The following PDGFD variants were observed in gnomAD, a reference collection of about 807,000 sequenced individuals.
The protein encoded by PDGFD is platelet derived growth factor D.
PDGFD carries 30 observed loss-of-function variants against 44.7 expected under a neutral mutation model. The ratio of observed to expected loss-of-function variants is 0.67; its 90% CI spans 0.50 to 0.91. PDGFD has a LOEUF of 0.91. PDGFD is among the 40% of genes least tolerant of loss of function. The pLI is 0.00. For synonymous variants in PDGFD, 173 were observed against 168.4 expected (o/e 1.03, Z -0.21); for missense variants, 445 against 457.8 (o/e 0.97, Z 0.25).
intron 1 of PDGFD, among the ~76,000 whole-genome samples, chr11:104,057,682 T>C (rs770926788): frequency 5.9e-5 from 9 of 152,004 alleles, no homozygotes; most frequent in Non-Finnish European, 1.0e-4. Context: ...AAAATAAAAG[T>C]TGAAATTTTA....
At chr11:103,916,933 G>C (rs1294015346) in intron 6 of PDGFD, among the ~76,000 whole-genome samples, 1 of 152,148 alleles carries the variant, frequency 6.6e-6, no homozygotes, top group African/African-American at 2.4e-5. Context: ...ACCAGGTCCT[G>C]TTTGTGGGTG....
At chr11:104,018,561 G>C (rs1859897798) in intron 1 of PDGFD, among the ~76,000 whole-genome samples, 1 of 152,182 alleles carries the variant, frequency 6.6e-6, no homozygotes, top group Non-Finnish European at 1.5e-5. Context: ...CTTCTGTATA[G>C]GAAGATGTCT....
At chr11:104,133,679 TAAC>T (rs1861957047) in intron 1 of PDGFD, among the ~76,000 whole-genome samples, 1 of 152,184 alleles carries the variant, frequency 6.6e-6, no homozygotes, top group African/African-American at 2.4e-5. Context: ...ATTAAACAAA[TAAC>T]AGTCACTAAC....
At chr11:103,939,051 TC>T (rs1242006539) in intron 5 of PDGFD, among the ~76,000 whole-genome samples, 1 of 152,162 alleles carries the variant, frequency 6.6e-6, no homozygotes, top group Admixed American at 6.5e-5. Context: ...CTTTTTTGGT[TC>T]CACATGAACT....
intron 1 of PDGFD, among the ~76,000 whole-genome samples, chr11:104,145,092 T>A (rs749941158): frequency 7.9e-5 from 12 of 152,202 alleles, no homozygotes; most frequent in Admixed American, 7.9e-4. Context: ...ATAAGTGGTG[T>A]TATTGTTATT....
At chr11:103,920,003 C>T (rs1198495841) in intron 6 of PDGFD, among the ~76,000 whole-genome samples, 2 of 152,188 alleles carry the variant, frequency 1.3e-5, no homozygotes, top group Non-Finnish European at 2.9e-5. Flanking sequence ...GAAGGGATAA[C>T]ATATTATTTC....
At chr11:104,036,740 C>A in intron 1 of PDGFD, 1 of 1,061,344 alleles carries the variant, frequency 9.4e-7, no homozygotes, top group African/African-American at 1.6e-5. Context: ...TGAGGAGCAG[C>A]GGCACCAACG....
intron 1 of PDGFD, among the ~76,000 whole-genome samples, chr11:104,103,276 CTTTTTA>C: frequency 6.6e-6 from 1 of 151,802 alleles, no homozygotes; most frequent in South Asian, 2.1e-4. Flanking sequence ...TAAATGTTAC[CTTTTTA>C]TTTTTATAAG....
At chr11:104,116,026 CTTTAG>C (rs1286670996) in intron 1 of PDGFD, among the ~76,000 whole-genome samples, 1 of 151,652 alleles carries the variant, frequency 6.6e-6, no homozygotes, top group African/African-American at 2.4e-5. Flanking sequence ...TTGTCATGCT[CTTTAG>C]TTTAATTAAG....
At chr11:104,004,348 A>AC (rs1471195057) in intron 1 of PDGFD, among the ~76,000 whole-genome samples, 46 of 152,136 alleles carry the variant, frequency 3.0e-4, no homozygotes, top group Non-Finnish European at 6.0e-4. Context: ...ACACATACAG[A>AC]CTTTTTTTCT....
chr11:104,099,485 A>G (rs2134443518), intron 1 of PDGFD, among the ~76,000 whole-genome samples: 1 of 152,066 alleles, frequency 6.6e-6, no homozygotes, highest in Middle Eastern at 3.4e-3. Flanking sequence ...ACAAAAAATT[A>G]GCCAGGTGTG....
intron 1 of PDGFD, among the ~76,000 whole-genome samples, chr11:104,023,531 CT>C (rs1425088598): frequency 6.6e-6 from 1 of 152,074 alleles, no homozygotes; most frequent in Non-Finnish European, 1.5e-5. Context: ...ATGGTTCTGG[CT>C]TTAGTATATA....
chr11:103,994,203 T>C (rs1272767423), intron 3 of PDGFD, among the ~76,000 whole-genome samples: 2 of 152,206 alleles, frequency 1.3e-5, no homozygotes, highest in African/African-American at 2.4e-5. Flanking sequence ...TTATGGAACA[T>C]TCAGCTTACT....
chr11:104,033,095 T>C (rs1452668279), intron 1 of PDGFD, among the ~76,000 whole-genome samples: 2 of 151,674 alleles, frequency 1.3e-5, no homozygotes, highest in Non-Finnish European at 2.9e-5. Flanking sequence ...TATATATATA[T>C]ATATTTCCAA....
chr11:104,149,763 C>T (rs1862215834), intron 1 of PDGFD, among the ~76,000 whole-genome samples: 1 of 152,152 alleles, frequency 6.6e-6, no homozygotes, highest in Non-Finnish European at 1.5e-5. Context: ...TCCAGTAGCT[C>T]AGGGCACAAG....
chr11:104,144,975 G>A (rs938250664), intron 1 of PDGFD, among the ~76,000 whole-genome samples: 5 of 152,152 alleles, frequency 3.3e-5, no homozygotes, highest in Non-Finnish European at 5.9e-5. Flanking sequence ...AGTATACTCT[G>A]AAAAAATGTG....
intron 1 of PDGFD, among the ~76,000 whole-genome samples, chr11:104,081,593 T>C (rs1278364667): frequency 6.6e-6 from 1 of 152,174 alleles, no homozygotes; most frequent in African/African-American, 2.4e-5. Flanking sequence ...TTTATTATAG[T>C]AATTTGATAT....
intron 3 of PDGFD, among the ~76,000 whole-genome samples, chr11:103,974,542 T>A (rs1377569791): frequency 1.3e-5 from 2 of 152,134 alleles, no homozygotes; most frequent in African/African-American, 4.8e-5. Flanking sequence ...ACACGTGCCA[T>A]GGTGGTTTGT....
intron 1 of PDGFD, among the ~76,000 whole-genome samples, chr11:104,018,198 G>A (rs1859890529): frequency 6.6e-6 from 1 of 151,770 alleles, no homozygotes; most frequent in South Asian, 2.1e-4. Flanking sequence ...ATAAAGACTG[G>A]GACTCATTCA....
Sources: gnomAD v4.1 joint callset for allele counts (sites outside exome capture counted in the v4.1 genomes callset) on GRCh38, gnomAD v4.1.1 for gene constraint, MANE v1.5 for transcripts, NCBI Gene and HGNC (gene_info 2026-07-23, HGNC 2026-07-21) for gene names.